Variants in NAALADL2 observed in about 807,000 individuals in gnomAD.
NAALADL2 encodes N-acetylated alpha-linked acidic dipeptidase like 2.
In NAALADL2, 76 loss-of-function variants were observed where a neutral mutation model predicts 87.2. The ratio of observed to expected loss-of-function variants is 0.87; its 90% CI spans 0.72 to 1.05. NAALADL2 has a LOEUF of 1.05. Among genes scored for constraint, NAALADL2 ranks in the 50% least tolerant of loss-of-function variants. The pLI, the probability that NAALADL2 is intolerant of heterozygous loss-of-function variation, is 0.00. For synonymous variants in NAALADL2, 354 were observed against 331.0 expected (o/e 1.07, Z -0.75); for missense variants, 1,089 against 945.8 (o/e 1.15, Z -1.99).
chr3:175,073,840 G>A (rs1716098011), intron 1 of NAALADL2, among the ~76,000 whole-genome samples: 1 of 151,930 alleles, frequency 6.6e-6, no homozygotes, highest in Non-Finnish European at 1.5e-5. Context: ...TAATTCGAAT[G>A]GAATGATCGT....
chr3:174,891,132 T>G (rs536169178), intron 1 of NAALADL2, among the ~76,000 whole-genome samples: 1 of 152,220 alleles, frequency 6.6e-6, no homozygotes, highest in Non-Finnish European at 1.5e-5. Context: ...TTTTATTAAG[T>G]AATAGATAAG....
chr3:174,741,045 T>C (rs1230629512), intron 3 of NAALADL2, among the ~76,000 whole-genome samples: 1 of 151,784 alleles, frequency 6.6e-6, no homozygotes, highest in Non-Finnish European at 1.5e-5. Context: ...GGTCTAATGG[T>C]GATAATTCAA....
intron 5 of NAALADL2, among the ~76,000 whole-genome samples, chr3:175,437,385 A>G (rs1368179136): frequency 2.1e-5 from 3 of 146,178 alleles, no homozygotes; most frequent in Non-Finnish European, 4.5e-5. Context: ...TAGGAATCCA[A>G]CTTACAAGGG....
intron 1 of NAALADL2, among the ~76,000 whole-genome samples, chr3:174,991,943 G>A (rs1746805897): frequency 6.6e-6 from 1 of 151,874 alleles, no homozygotes; most frequent in Non-Finnish European, 1.5e-5. Context: ...TCAGTCAAAA[G>A]CAATTAATAT....
At chr3:175,333,453 T>C (rs1761635393) in intron 5 of NAALADL2, among the ~76,000 whole-genome samples, 1 of 152,110 alleles carries the variant, frequency 6.6e-6, no homozygotes, top group Non-Finnish European at 1.5e-5. Flanking sequence ...ATAAATAAAA[T>C]GTGGTATATA....
intron 3 of NAALADL2, among the ~76,000 whole-genome samples, chr3:174,818,575 T>C (rs1721051776): frequency 6.6e-6 from 1 of 152,132 alleles, no homozygotes; most frequent in Non-Finnish European, 1.5e-5. Flanking sequence ...TGTGTCACCT[T>C]TGTCTTGGAT....
At chr3:174,838,077 A>G (rs1311568217) in intron 3 of NAALADL2, among the ~76,000 whole-genome samples, 1 of 151,698 alleles carries the variant, frequency 6.6e-6, no homozygotes, top group Admixed American at 6.6e-5. Flanking sequence ...TGATGAACAC[A>G]GACACTAAAA....
intron 1 of NAALADL2, among the ~76,000 whole-genome samples, chr3:174,913,228 G>T (rs1345031417): frequency 4.6e-5 from 7 of 152,060 alleles, no homozygotes; most frequent in Non-Finnish European, 8.8e-5. Context: ...AGTTTGAAGG[G>T]TTTACATAAT....
At chr3:174,465,182 C>CTG (rs145680771) in intron 1 of NAALADL2, among the ~76,000 whole-genome samples, 8 of 151,612 alleles carry the variant, frequency 5.3e-5, no homozygotes, top group Admixed American at 1.3e-4. Flanking sequence ...TTATGATTCT[C>CTG]TGTGTGTGTG....
chr3:175,214,491 A>G (rs1742217107), intron 2 of NAALADL2, among the ~76,000 whole-genome samples: 1 of 152,172 alleles, frequency 6.6e-6, no homozygotes, highest in Non-Finnish European at 1.5e-5. Context: ...TACTGATTTG[A>G]TTTTGATAGA....
At chr3:175,620,977 T>C (rs914330027) in intron 10 of NAALADL2, among the ~76,000 whole-genome samples, 6 of 152,118 alleles carry the variant, frequency 3.9e-5, no homozygotes. Flanking sequence ...AGGGTTTTTA[T>C]AGGTTTGGAA....
At chr3:174,873,097 G>A (rs1004694485) in intron 1 of NAALADL2, among the ~76,000 whole-genome samples, 3 of 152,044 alleles carry the variant, frequency 2.0e-5, no homozygotes, top group African/African-American at 7.3e-5. Flanking sequence ...AGCATTTCGT[G>A]TATGTAATTC....
At position 174,894,525 on chromosome 3, in the gene NAALADL2, C is replaced by T. The variant is rs188796449; in HGVS notation, c.43+35075C>T. Among the ~76,000 whole-genome samples the T allele has an allele frequency of 3.4e-3, 450 of 133,700 alleles. 2 individuals are homozygous for T. Among genetic ancestry groups the T allele is most frequent in the African/African-American group, 0.012 (416 of 35,698 alleles). 87.7% of individuals were successfully genotyped at this position (133,700 alleles called of 152,430 possible). ...ACGAGGATCGCTTGGACCTGGGAGG[C>T]GGAGGTTGCAATGAGCCGAGATCAT... On this transcript the variant is annotated intron_variant, in intron 1 of 13. Transcript: ENST00000454872.
chr3:175,396,173 A>G (rs747406668), intron 5 of NAALADL2, among the ~76,000 whole-genome samples: 1 of 152,168 alleles, frequency 6.6e-6, no homozygotes, highest in Non-Finnish European at 1.5e-5. Flanking sequence ...ATAGTATGAA[A>G]GATGAATTTT....
intron 1 of NAALADL2, among the ~76,000 whole-genome samples, chr3:174,967,809 C>A (rs564680183): frequency 6.6e-6 from 1 of 152,240 alleles, no homozygotes; most frequent in African/African-American, 2.4e-5. Context: ...CTTAGCACAG[C>A]CCACCTAAAC....
chr3:175,447,164 C>T (rs1720838135), intron 5 of NAALADL2, 65 bp from the exon 6 acceptor site: 2 of 1,071,064 alleles, frequency 1.9e-6, no homozygotes, highest in South Asian at 1.9e-5. Context: ...TTACAGATAA[C>T]TTTTCCTTAA....
chr3:174,592,860 T>G lies in NAALADL2; in HGVS notation c.-115+42223T>G, dbSNP rs149943675. On this transcript the variant is annotated intron_variant, in intron 2 of 3. Transcript: ENST00000434257. Reference sequence around the variant, plus strand: ...AGGATAAATTGTTTAGCAACAGATTTGAATTTAATGTGTTGAAGTTTGACT... The same window carrying G: ...AGGATAAATTGTTTAGCAACAGATTGGAATTTAATGTGTTGAAGTTTGACT... Among the ~76,000 whole-genome samples the G allele has an allele frequency of 2.2e-3, 334 of 152,104 alleles. 2 individuals are homozygous for G. Among genetic ancestry groups the G allele is most frequent in the African/African-American group, 7.8e-3 (324 of 41,526 alleles).
intron 4 of NAALADL2, among the ~76,000 whole-genome samples, chr3:175,292,621 C>CACACACACACACACACACACCT (rs759687998): frequency 6.6e-6 from 1 of 151,780 alleles, no homozygotes; most frequent in African/African-American, 2.4e-5. Context: ...CACACACACA[C>CACACACACACACACACACACCT]ACCTGAGGGG....
In NAALADL2 at chr3:175,069,243, A is replaced by G. The variant is rs534019519; in HGVS notation, c.44-27547A>G. ...ACAGGCAACCTACAAAATGGGAGAA[A>G]ATTTTCGCAACCTACTCATCTGACA... On this transcript the variant is annotated intron_variant, in intron 1 of 13. Transcript: ENST00000454872. 5.2e-4 allele frequency among the ~76,000 whole-genome samples: 78 copies of G among 149,868 alleles called. No homozygotes were observed. In the East Asian group the frequency reaches 0.014, roughly 28 times the overall value.
Sources: allele counts gnomAD v4.1 joint callset (sites outside exome capture counted in the v4.1 genomes callset), GRCh38; gene constraint gnomAD v4.1.1; transcripts MANE v1.5; gene names NCBI Gene and HGNC (gene_info 2026-07-23, HGNC 2026-07-21).